The following DSE variants were observed in gnomAD, a reference collection of about 807,000 sequenced individuals.
DSE encodes dermatan sulfate epimerase.
DSE carries 36 observed loss-of-function variants against 84.4 expected under a neutral mutation model. The observed-to-expected ratio is 0.43, with a 90% confidence interval of 0.33 to 0.56. The LOEUF (loss-of-function observed/expected upper bound fraction) is 0.56. DSE is among the 20% of genes least tolerant of loss of function. DSE has a pLI of 0.06. For missense variants in DSE, 862 were observed against 1,169.6 expected (o/e 0.74, Z 3.84); for synonymous variants, 410 against 430.1 (o/e 0.95, Z 0.58).
chr6:116,349,808 T>C (rs1252360378), intron 2 of DSE, among the ~76,000 whole-genome samples: 2 of 152,226 alleles, frequency 1.3e-5, no homozygotes, highest in Non-Finnish European at 2.9e-5. Context: ...ATTATTCTTA[T>C]ATTCAGCAGT....
In DSE at chr6:116,394,646, C is replaced by T. The variant is rs1781125674; in HGVS notation, c.-53-4552C>T. ...TTATTTTTGTGGATATGGAGTCTCA[C>T]TATGTTGACCAGGCTGGTCTCAAAC... On this transcript the variant is annotated intron_variant, in intron 1 of 5. Transcript: ENST00000644252. 3.3e-5 allele frequency among the ~76,000 whole-genome samples: 5 copies of T among 152,078 alleles called. No homozygotes were observed. The South Asian group carries it at 8.3e-4, about 25-fold the overall frequency.
chr6:116,368,790 T>C (rs1361656255), upstream of DSE, among the ~76,000 whole-genome samples: 1 of 152,202 alleles, frequency 6.6e-6, no homozygotes, highest in Non-Finnish European at 1.5e-5. Context: ...GCTTTCCTAA[T>C]GGATGAAGAA....
chr6:116,346,363 A>T (rs1777969335), intron 2 of DSE, among the ~76,000 whole-genome samples: 1 of 152,186 alleles, frequency 6.6e-6, no homozygotes, highest in South Asian at 2.1e-4. Flanking sequence ...CGATGCAAAA[A>T]TCCTCAATAA....
At chr6:116,397,228 G>A (rs964526527) in intron 1 of DSE, among the ~76,000 whole-genome samples, 1 of 61,214 alleles carries the variant, frequency 1.6e-5, no homozygotes. Flanking sequence ...TTTTTTTTTT[G>A]AGATAGAGTT....
At position 116,408,911 on chromosome 6, in the gene DSE, G is replaced by GAAATGAAT. The variant is rs1782112424; in HGVS notation, c.416+9246_416+9253dup. ...TTTAAAGCCACCTGCTTCAGTCTTT[G>GAAATGAAT]AAATGAATGGCGGTGCTGTTAAGCA... On this transcript the variant is annotated intron_variant, in intron 2 of 5. Transcript: ENST00000644252. Among the ~76,000 whole-genome samples the GAAATGAAT allele has an allele frequency of 3.3e-5, 5 of 152,312 alleles. No homozygotes were observed. The South Asian group carries it at 1.0e-3, about 32-fold the overall frequency.
At chr6:116,304,122 C>CAA (rs10641724) in intron 2 of DSE, among the ~76,000 whole-genome samples, 6,529 of 110,878 alleles carry the variant, frequency 0.059, 246 homozygotes, top group South Asian at 0.12. Flanking sequence ...GACTCCGTCT[C>CAA]AAAAAAAAAA....
At chr6:116,311,405 A>G (rs1775688135) in intron 2 of DSE, among the ~76,000 whole-genome samples, 1 of 152,204 alleles carries the variant, frequency 6.6e-6, no homozygotes. Flanking sequence ...AGAATAACAC[A>G]AGGAAAGAAA....
chr6:116,301,601 C>A (rs1359039299), intron 2 of DSE, among the ~76,000 whole-genome samples: 1 of 152,114 alleles, frequency 6.6e-6, no homozygotes, highest in African/African-American at 2.4e-5. Flanking sequence ...TTACTTAAAC[C>A]GCCTCAATGG....
intron 2 of DSE, among the ~76,000 whole-genome samples, chr6:116,308,677 G>GT (rs1775490054): frequency 6.6e-6 from 1 of 151,654 alleles, no homozygotes; most frequent in Non-Finnish European, 1.5e-5. Flanking sequence ...GCATTTTTTT[G>GT]TTTTTTGGGG....
chr6:116,407,494 A>C (rs3798411), intron 2 of DSE, among the ~76,000 whole-genome samples: 104,916 of 151,984 alleles, frequency 0.69, 36,583 homozygotes, highest in Admixed American at 0.75. Context: ...CTCATAGATA[A>C]CCTTAGCAGG....
intron 2 of DSE, among the ~76,000 whole-genome samples, chr6:116,335,371 T>C (rs1026901447): frequency 6.6e-6 from 1 of 152,062 alleles, no homozygotes; most frequent in African/African-American, 2.4e-5. Flanking sequence ...CTGGAGTCTA[T>C]GCAAGGGTGG....
chr6:116,437,317 A>T lies in DSE; in HGVS notation c.2849A>T (p.Tyr950Phe), dbSNP rs766829204. ...GATAGCTGTATTTTATTATGGTTGTACTCTTCTTGTTCCCAATCACAGTGT... is the reference window on the plus strand; with the variant it reads ...GATAGCTGTATTTTATTATGGTTGTTCTCTTCTTGTTCCCAATCACAGTGT... ...LIDSCILLWL[Y>F]SSCSQSQC The change falls in exon 6 of 6, where the codon TAC (tyrosine) becomes TTC (phenylalanine). Residue 950 changes from tyrosine to phenylalanine, a missense_variant. By Grantham distance (22) the Tyr-to-Phe change is conservative. Coordinates refer to ENST00000644252, the MANE Select transcript of DSE (RefSeq NM_013352.4). The T allele has an allele frequency of 6.8e-6, 11 of 1,611,920 alleles. No individual in the cohort carries two copies. The highest frequency in any genetic ancestry group is 5.4e-5 in the African/African-American group (4 of 74,644).
intron 2 of DSE, among the ~76,000 whole-genome samples, chr6:116,296,991 C>G (rs1296296596): frequency 6.6e-6 from 1 of 152,074 alleles, no homozygotes; most frequent in Non-Finnish European, 1.5e-5. Flanking sequence ...GAAGTAGTTG[C>G]TGCAGTGGTC....
upstream of DSE, among the ~76,000 whole-genome samples, chr6:116,365,677 G>A (rs1276613299): frequency 6.6e-6 from 1 of 152,144 alleles, no homozygotes; most frequent in East Asian, 1.9e-4. Flanking sequence ...AAGCATATGG[G>A]GTATCTGGAC....
chr6:116,375,416 A>C (rs1779865423), intron 1 of DSE: 1 of 383,110 alleles, frequency 2.6e-6, no homozygotes, highest in Admixed American at 6.4e-5. Flanking sequence ...AGATGGGAGG[A>C]TCACTTGAGC....
chr6:116,321,940 G>C (rs949569644), intron 2 of DSE, among the ~76,000 whole-genome samples: 2 of 152,072 alleles, frequency 1.3e-5, no homozygotes, highest in Admixed American at 1.3e-4. Context: ...GTAGCAGGAC[G>C]AGCCACAGAC....
chr6:116,384,159 C>T (rs932702341), intron 1 of DSE, among the ~76,000 whole-genome samples: 57 of 152,132 alleles, frequency 3.7e-4, no homozygotes, highest in African/African-American at 1.3e-3. Flanking sequence ...AATTTCAAAA[C>T]AGAGCAACCT....
chr6:116,348,741 A>G (rs1249870231), intron 2 of DSE, among the ~76,000 whole-genome samples: 1 of 152,254 alleles, frequency 6.6e-6, no homozygotes, highest in Non-Finnish European at 1.5e-5. Flanking sequence ...TCCATCAATG[A>G]TAGACTGGAT....
At chr6:116,349,935 G>T (rs1265368951) in intron 2 of DSE, among the ~76,000 whole-genome samples, 1 of 152,036 alleles carries the variant, frequency 6.6e-6, no homozygotes, top group Non-Finnish European at 1.5e-5. Flanking sequence ...GAGAGAATTT[G>T]TCTCCTCACT....
Sources: gnomAD v4.1 joint callset for allele counts (sites outside exome capture counted in the v4.1 genomes callset) on GRCh38, gnomAD v4.1.1 for gene constraint, MANE v1.5 for transcripts, NCBI Gene and HGNC (gene_info 2026-07-23, HGNC 2026-07-21) for gene names.